The following RBFOX1 variants were observed in gnomAD, a reference collection of about 807,000 sequenced individuals.
RBFOX1 encodes RNA binding fox-1 homolog 1, also known as RNA binding protein fox-1 homolog 1.
Under a neutral mutation model 57.7 loss-of-function variants are expected in RBFOX1, and 8 were observed. The observed-to-expected ratio is 0.14, with a 90% CI of 0.08 to 0.25. The LOEUF (loss-of-function observed/expected upper bound fraction) is 0.25. Ranked by LOEUF, RBFOX1 falls within the 10% of genes least tolerant of loss-of-function variation. RBFOX1 has a pLI of 1.00. For synonymous variants in RBFOX1, 326 were observed against 222.4 expected (o/e 1.47, Z -4.15); for missense variants, 611 against 548.5 (o/e 1.11, Z -1.14).
chr16:6,585,436 T>C (rs989978291), intron 2 of RBFOX1, among the ~76,000 whole-genome samples: 1 of 152,230 alleles, frequency 6.6e-6, no homozygotes, highest in African/African-American at 2.4e-5. Flanking sequence ...TTGACTTGTA[T>C]TCTCGGTCCC....
At chr16:7,141,974 C>T (rs1188232270) in intron 4 of RBFOX1, among the ~76,000 whole-genome samples, 1 of 150,296 alleles carries the variant, frequency 6.7e-6, no homozygotes, top group Non-Finnish European at 1.5e-5. Context: ...TTTCCTTCTC[C>T]TTCTTCTCCA....
intron 3 of RBFOX1, among the ~76,000 whole-genome samples, chr16:6,666,732 G>A (rs568626883): frequency 2.4e-4 from 37 of 152,164 alleles, no homozygotes; most frequent in African/African-American, 8.7e-4. Context: ...TGACACACAG[G>A]TAAACGGTGA....
chr16:6,370,807 A>G (rs946683759), intron 2 of RBFOX1, among the ~76,000 whole-genome samples: 1 of 152,236 alleles, frequency 6.6e-6, no homozygotes, highest in Non-Finnish European at 1.5e-5. Context: ...TTAATTGAAT[A>G]CTTTAAAATA....
chr16:6,772,105 C>T (rs911231995), intron 3 of RBFOX1, among the ~76,000 whole-genome samples: 1 of 152,166 alleles, frequency 6.6e-6, no homozygotes, highest in Non-Finnish European at 1.5e-5. Context: ...GAGGAACAGT[C>T]TTCCTTTCAA....
chr16:5,519,350 G>A (rs999407296), intron 2 of RBFOX1, among the ~76,000 whole-genome samples: 2 of 152,172 alleles, frequency 1.3e-5, no homozygotes, highest in African/African-American at 4.8e-5. Context: ...CTCTGAGATG[G>A]GGGATCTGTA....
intron 4 of RBFOX1, among the ~76,000 whole-genome samples, chr16:7,157,521 A>G (rs538039237): frequency 1.2e-4 from 19 of 152,282 alleles, no homozygotes; most frequent in African/African-American, 4.6e-4. Flanking sequence ...GGAACTATTC[A>G]GAATCCAGTG....
At chr16:6,562,102 C>G (rs530209759) in intron 2 of RBFOX1, among the ~76,000 whole-genome samples, 5 of 152,288 alleles carry the variant, frequency 3.3e-5, no homozygotes, top group African/African-American at 1.2e-4. Context: ...CTACTGATGT[C>G]GGCTGCATGG....
intron 3 of RBFOX1, among the ~76,000 whole-genome samples, chr16:6,814,271 A>C (rs959367980): frequency 3.3e-5 from 5 of 151,860 alleles, no homozygotes; most frequent in Non-Finnish European, 7.4e-5. Context: ...GAGGAGGTCT[A>C]AGAGAGTCAG....
intron 3 of RBFOX1, among the ~76,000 whole-genome samples, chr16:6,674,842 C>G (rs906684303): frequency 6.6e-6 from 1 of 152,134 alleles, no homozygotes; most frequent in Non-Finnish European, 1.5e-5. Flanking sequence ...TTTCAGACTT[C>G]TAGCTTCCAG....
chr16:6,234,622 C>T (rs796564595), intron 1 of RBFOX1, among the ~76,000 whole-genome samples: 1 of 152,082 alleles, frequency 6.6e-6, no homozygotes, highest in African/African-American at 2.4e-5. Flanking sequence ...TAATGACTCT[C>T]AGGTTTTTAT....
In RBFOX1 at chr16:7,269,260, T is replaced by C. The variant is rs564322818; in HGVS notation, c.27+217162T>C. ...GTGCTTCCTGCTAGACATAGACACA[T>C]ACACACACCTACACCCCTTTTAACC... On this transcript the variant is annotated intron_variant, in intron 4 of 15. Coordinates refer to ENST00000550418, the MANE Select transcript of RBFOX1 (RefSeq NM_018723.4). Among the ~76,000 whole-genome samples, 142 of 152,216 alleles carry C rather than the reference T, an allele frequency of 9.3e-4. 1 individual carries two copies. The Middle Eastern group carries it at 0.014, about 15-fold the overall frequency.
At chr16:5,580,190 TA>T (rs1018252635) in intron 2 of RBFOX1, among the ~76,000 whole-genome samples, 4 of 152,168 alleles carry the variant, frequency 2.6e-5, no homozygotes, top group African/African-American at 9.7e-5. Flanking sequence ...TGATGGTGCC[TA>T]GGGGGACCCC....
chr16:6,271,372 C>T (rs940210490), intron 1 of RBFOX1, among the ~76,000 whole-genome samples: 2 of 152,068 alleles, frequency 1.3e-5, no homozygotes, highest in East Asian at 1.9e-4. Context: ...TGCAGTGAGT[C>T]GAGAGTGACC....
At position 6,643,002 on chromosome 16, in the gene RBFOX1, T is replaced by G. The variant is rs1602457736; in HGVS notation, c.-63-11601T>G. ...TCGTGAGTCATCTTCATATTTAGGT[T>G]GAAACCATAGACTTTTCGGAATATT... is the stretch of plus-strand genomic sequence containing the variant. On this transcript the variant is annotated intron_variant, in intron 2 of 15. Coordinates refer to ENST00000550418, the MANE Select transcript of RBFOX1 (RefSeq NM_018723.4). Among the ~76,000 whole-genome samples the G allele has an allele frequency of 3.3e-5, 5 of 152,314 alleles. No individual in the cohort carries two copies. The South Asian group carries it at 1.0e-3, about 32-fold the overall frequency.
chr16:5,354,829 G>A (rs868705443), intron 1 of RBFOX1, among the ~76,000 whole-genome samples: 2 of 152,240 alleles, frequency 1.3e-5, no homozygotes, highest in African/African-American at 4.8e-5. Context: ...ACTCCTGATG[G>A]CAGCAGCCAC....
chr16:6,453,543 C>A (rs535652609), intron 2 of RBFOX1, among the ~76,000 whole-genome samples: 3 of 152,030 alleles, frequency 2.0e-5, no homozygotes, highest in African/African-American at 4.8e-5. Flanking sequence ...TAATTAATAG[C>A]CTACCAACCA....
chr16:5,288,122 A>C lies in RBFOX1; in HGVS notation c.219+48017A>C, dbSNP rs578058002. ...TGACTTGCTTTGTCCTGCGTCCCCAAGGGACAATGATTGGCTGATTTTATT... is the reference window on the plus strand; with the variant it reads ...TGACTTGCTTTGTCCTGCGTCCCCACGGGACAATGATTGGCTGATTTTATT... On this transcript the variant is annotated intron_variant, in intron 1 of 2. Coordinates refer to the RBFOX1 transcript ENST00000585867. Among the ~76,000 whole-genome samples the C allele has an allele frequency of 3.3e-5, 5 of 152,366 alleles. No individual in the cohort carries two copies. In the East Asian group the frequency reaches 9.6e-4, roughly 29 times the overall value.
At chr16:6,089,913 A>G (rs1269616877) in intron 1 of RBFOX1, among the ~76,000 whole-genome samples, 1 of 152,228 alleles carries the variant, frequency 6.6e-6, no homozygotes, top group Non-Finnish European at 1.5e-5. Flanking sequence ...ATAAATGATC[A>G]CATTCTTAGT....
At chr16:5,849,673 C>T (rs970063905) in intron 3 of RBFOX1, among the ~76,000 whole-genome samples, 4 of 152,244 alleles carry the variant, frequency 2.6e-5, no homozygotes, top group African/African-American at 9.6e-5. Context: ...TGCGTGGCCC[C>T]CTCACTCCGA....
Sources: gnomAD v4.1 joint callset for allele counts (sites outside exome capture counted in the v4.1 genomes callset) on GRCh38, gnomAD v4.1.1 for gene constraint, MANE v1.5 for transcripts, NCBI Gene and HGNC (gene_info 2026-07-23, HGNC 2026-07-21) for gene names.